The following SETD1B variants were observed in gnomAD, a reference collection of about 807,000 sequenced individuals.
SETD1B encodes histone-lysine N-methyltransferase SETD1B.
Under a neutral mutation model 148.0 loss-of-function variants are expected in SETD1B, and 7 were observed. The ratio of observed to expected loss-of-function variants is 0.05; its 90% confidence interval spans 0.03 to 0.09. The LOEUF is 0.09. Ranked by LOEUF, SETD1B falls within the 10% of genes least tolerant of loss-of-function variation. The pLI is 1.00. For synonymous variants in SETD1B, 1,361 were observed against 1,186.5 expected, an observed-to-expected ratio of 1.15 and a Z score of -3.02; for missense variants, 2,155 against 2,729.9, an observed-to-expected ratio of 0.79 and a Z score of 4.69.
chr12:121,817,038 G>A lies in SETD1B; in HGVS notation c.2721G>A (p.Ser907=), dbSNP rs751219734. ...WDKKERMAKA[S]LTPVKSGEHK... The stretch of plus-strand genomic sequence containing the variant: ...CCCTCCTGTCTCCACCCCAGGCCTC[G>A]CTGACCCCGGTGAAGTCGGGCGAGC... Residue 907 remains serine, a synonymous_variant, in exon 8 of 17, where the codon TCG becomes TCA. Coordinates refer to ENST00000604567, the MANE Select transcript of SETD1B (RefSeq NM_001353345.2). This position sits in a 1 kb window ranked among gnomAD's most constrained non-coding sequence, Gnocchi z 8.1. 6.6e-6 allele frequency: 10 copies of A among 1,519,292 alleles called. No homozygotes were observed. The highest frequency in any genetic ancestry group is 4.9e-5 in the South Asian group (4 of 81,380). The allele number at this position is 1,519,292 out of a possible 1,614,324, so 94.1% of individuals were successfully genotyped here.
intron 11 of SETD1B, 37 bp downstream of exon 11, chr12:121,819,932 G>A: frequency 1.3e-6 from 2 of 1,505,518 alleles, no homozygotes; most frequent in Non-Finnish European, 9.0e-7. Context: ...TGGTGGGAGG[G>A]AGGCAGGAAG....
rs1427847891 is a variant in SETD1B at position 121,825,416 on chromosome 12, G to C, written c.5337+50G>C. On this transcript the variant is annotated intron_variant, in intron 13 of 16. Transcript: ENST00000604567. ...TCAGAGCCTGCTGGGCTGGGCCACG[G>C]GGATCCAGGGCACTCATGGAGGGGT... The C allele has an allele frequency of 6.6e-6, 10 of 1,511,826 alleles. No individual in the cohort carries two copies. The Admixed American group carries it at 2.0e-4, about 31-fold the overall frequency. 93.7% of individuals were successfully genotyped at this position (1,511,826 alleles called of 1,614,324 possible). A position where few individuals can be genotyped will look rare whatever the true frequency, so the allele number is the denominator to read the frequency against.
intron 11 of SETD1B, 40 bp from the exon 12 acceptor site, chr12:121,822,450 T>C (rs1166060908): frequency 3.4e-6 from 5 of 1,492,032 alleles, no homozygotes; most frequent in Non-Finnish European, 4.5e-6. Flanking sequence ...GACGTTTGGA[T>C]TGAATAGTAA....
intron 13 of SETD1B, 103 bp from the exon 14 acceptor site, chr12:121,827,416 G>A: frequency 7.2e-7 from 1 of 1,397,330 alleles, no homozygotes; most frequent in Non-Finnish European, 9.4e-7. Context: ...GAAGCCCAGA[G>A]CAAGGAGCCC....
intron 16 of SETD1B, 106 bp from the exon 17 acceptor site, chr12:121,829,960 T>G: frequency 9.6e-7 from 1 of 1,040,962 alleles, no homozygotes; most frequent in Non-Finnish European, 1.4e-6. Context: ...GGGGGTCACG[T>G]GGCATGTCAG....
At chr12:121,825,468 CCAGAGGGG>C in intron 13 of SETD1B, 102 bp downstream of exon 13, 1 of 1,146,594 alleles carries the variant, frequency 8.7e-7, no homozygotes. Flanking sequence ...AGTTGTGAGG[CCAGAGGGG>C]CTGGCACACA....
At chr12:121,821,648 G>C (rs868800146) in intron 11 of SETD1B, among the ~76,000 whole-genome samples, 27 of 152,018 alleles carry the variant, frequency 1.8e-4, no homozygotes, top group African/African-American at 6.0e-4. Flanking sequence ...CGGCTTGGGA[G>C]GCTGAGGAAG....
At chr12:121,807,400 C>T (rs1390147666) in intron 4 of SETD1B, among the ~76,000 whole-genome samples, 1 of 148,596 alleles carries the variant, frequency 6.7e-6, no homozygotes, top group Non-Finnish European at 1.5e-5. Context: ...ATCACGTGCC[C>T]ACATTTTAAG....
Position 121,814,853 on chromosome 12 carries a change from C to G in SETD1B, c.2638C>G (p.Leu880Val). The G allele has an allele frequency of 1.3e-6, 2 of 1,551,638 alleles. No homozygotes were observed. Among genetic ancestry groups the G allele is most frequent in the Non-Finnish European group, 8.7e-7 (1 of 1,146,982 alleles). ...KELKAIMKRD[L>V]NRKMVEVVAF... ...ACTCAAGGCCATCATGAAGCGTGAC[C>G]TGAACCGCAAGATGGTGGAAGTGGT... is the stretch of plus-strand genomic sequence containing the variant. Residue 880 changes from leucine (L) to valine (V), a missense_variant, in exon 7 of 17, where the codon CTG becomes GTG. Physicochemically the swap from Leu to Val is conservative, Grantham distance 32. Coordinates refer to ENST00000604567, the MANE Select transcript of SETD1B (RefSeq NM_001353345.2).
rs1459632604 is a variant in SETD1B at position 121,810,523 on chromosome 12, G to A, written c.1578G>A (p.Leu526=). 2 of 1,546,078 alleles carry A rather than the reference G, an allele frequency of 1.3e-6. No homozygotes were observed. Among genetic ancestry groups the A allele is most frequent in the Non-Finnish European group, 1.7e-6 (2 of 1,146,996 alleles). The change falls in exon 6 of 17, where the codon CTG becomes CTA. Residue 526 remains leucine, a synonymous_variant. Coordinates refer to ENST00000604567, the MANE Select transcript of SETD1B (RefSeq NM_001353345.2). This position sits in a 1 kb window ranked among gnomAD's most constrained non-coding sequence, Gnocchi z 7.6. ...GGGAGCCGGACTCGGACACCGAGCT[G>A]CAGATGGAGGGCAGCCCCATCTCCT... ...FLREPDSDTE[L]QMEGSPISSS...
At chr12:121,807,303 T>C (rs1009811049) in intron 4 of SETD1B, among the ~76,000 whole-genome samples, 1 of 151,778 alleles carries the variant, frequency 6.6e-6, no homozygotes, top group Non-Finnish European at 1.5e-5. Flanking sequence ...TCTCAGTCTC[T>C]GGGGGTTGGG....
intron 4 of SETD1B, among the ~76,000 whole-genome samples, chr12:121,806,739 C>T (rs1875764166): frequency 6.6e-6 from 1 of 152,204 alleles, no homozygotes; most frequent in African/African-American, 2.4e-5. Flanking sequence ...CTTCCCTCCT[C>T]TCTCTTAAAG....
At chr12:121,821,192 T>C (rs1045081583) in intron 11 of SETD1B, among the ~76,000 whole-genome samples, 45 of 152,334 alleles carry the variant, frequency 3.0e-4, no homozygotes, top group African/African-American at 1.1e-3. Flanking sequence ...GTGTCCCTGC[T>C]ATTATTTTAG....
chr12:121,801,459 A>G (rs1875359145), upstream of SETD1B: 1 of 152,394 alleles, frequency 6.6e-6, no homozygotes, highest in East Asian at 1.9e-4. Context: ...GCCAAATACA[A>G]TGCTCCAGAA....
intron 12 of SETD1B, 96 bp downstream of exon 12, chr12:121,823,845 G>A (rs113710553): frequency 3.9e-5 from 56 of 1,440,448 alleles, no homozygotes; most frequent in African/African-American, 3.0e-4. Flanking sequence ...AGCAGCCCGC[G>A]GTGCCCATGA....
chr12:121,827,958 G>T lies in SETD1B; in HGVS notation c.5615G>T (p.Arg1872Leu). The change falls in exon 16 of 17, where the codon CGT (arginine) becomes CTT (leucine). Residue 1872 changes from arginine (R) to leucine (L), a missense_variant. Coordinates refer to ENST00000604567, the MANE Select transcript of SETD1B (RefSeq NM_001353345.2). ...GTGATCGCAGACATGCGGGAGAAGC[G>T]TTATGAGGACGAGGGCATCGGGAGC... The part of the protein sequence containing the change: ...RQVIADMREK[R>L]YEDEGIGSSY... 6.4e-7 allele frequency: 1 copy of T among 1,552,056 alleles called. No individual in the cohort carries two copies. Among genetic ancestry groups the T allele is most frequent in the Non-Finnish European group, 8.7e-7 (1 of 1,147,102 alleles).
chr12:121,830,340 C>A lies in SETD1B; in HGVS notation c.*101C>A. ...CGGCCCCCCGCGCCCGCCCCCATTT[C>A]AGGTGCTGTCCTCTACCCAGCGGCC... On this transcript the variant is annotated 3_prime_UTR_variant, in exon 17 of 17. Coordinates refer to ENST00000604567, the MANE Select transcript of SETD1B (RefSeq NM_001353345.2). This position sits in a 1 kb window ranked among gnomAD's most constrained non-coding sequence, Gnocchi z 5.7. 1 of 1,195,198 alleles carries A rather than the reference C, an allele frequency of 8.4e-7. No homozygotes were observed. The highest frequency in any genetic ancestry group is 1.2e-6 in the Non-Finnish European group (1 of 865,288). 74.0% of individuals were successfully genotyped at this position (1,195,198 alleles called of 1,614,324 possible). A position where few individuals can be genotyped will look rare whatever the true frequency, so the allele number is the denominator to read the frequency against.
At chr12:121,827,042 G>A (rs759823065) in intron 13 of SETD1B, among the ~76,000 whole-genome samples, 55 of 152,108 alleles carry the variant, frequency 3.6e-4, no homozygotes, top group Non-Finnish European at 4.6e-4. Flanking sequence ...GCATCGCCAG[G>A]AGAGAAGTGG....
rs1043422376 is a variant in SETD1B at position 121,804,542 on chromosome 12, C to T, written c.-14-182C>T. 1.2e-3 allele frequency among the ~76,000 whole-genome samples: 175 copies of T among 151,572 alleles called. 4 individuals are homozygous for T. The highest frequency in any genetic ancestry group is 7.8e-4 in the East Asian group (4 of 5,100). ...CCGAGCGGGCGGGCGCGTAATTCTC[C>T]CGGAAGGGTTATTCTCTCGCTCCAT... On this transcript the variant is annotated intron_variant, in intron 1 of 16. Coordinates refer to ENST00000604567, the MANE Select transcript of SETD1B (RefSeq NM_001353345.2). This position sits in a 1 kb window ranked among gnomAD's most constrained non-coding sequence, Gnocchi z 4.6.
Sources: allele counts gnomAD v4.1 joint callset (sites outside exome capture counted in the v4.1 genomes callset), GRCh38; gene constraint gnomAD v4.1.1; non-coding constraint Gnocchi (gnomAD v3.1); transcripts MANE v1.5; gene names NCBI Gene and HGNC (gene_info 2026-07-23, HGNC 2026-07-21).